The following GPHN variants were observed in gnomAD, a reference collection of about 807,000 sequenced individuals.
GPHN encodes the protein gephyrin.
GPHN carries 17 observed loss-of-function variants against 95.5 expected under a neutral mutation model. The ratio of observed to expected loss-of-function variants is 0.18; its 90% confidence interval spans 0.12 to 0.27. The LOEUF is 0.27. Among genes scored for constraint, GPHN ranks in the 10% least tolerant of loss-of-function variants. The pLI is 1.00. For synonymous variants in GPHN, 320 were observed against 322.5 expected (o/e 0.99, Z 0.08); for missense variants, 660 against 978.1 (o/e 0.67, Z 4.34).
the GPHN span, among the ~76,000 whole-genome samples, chr14:67,371,419 C>T: frequency 1.3e-5 from 2 of 148,600 alleles, no homozygotes; most frequent in African/African-American, 5.0e-5. Context: ...GACTGTCTCC[C>T]ACCAAAAAAA....
the GPHN span, chr14:67,205,116 T>G: frequency 5.9e-6 from 9 of 1,531,050 alleles, no homozygotes; most frequent in Non-Finnish European, 7.9e-6. Flanking sequence ...ACTTTCATGC[T>G]TTAATAATCG....
chr14:66,716,957 C>G (rs972326966), intron 2 of GPHN, among the ~76,000 whole-genome samples: 1 of 152,182 alleles, frequency 6.6e-6, no homozygotes, highest in African/African-American at 2.4e-5. Flanking sequence ...TTTCCTTCGT[C>G]TTAACTTTGG....
the GPHN span, among the ~76,000 whole-genome samples, chr14:67,461,609 C>T: frequency 6.6e-6 from 1 of 151,290 alleles, no homozygotes; most frequent in Non-Finnish European, 1.5e-5. Context: ...AAACGTAAGC[C>T]AGGATTGGGT....
At chr14:67,592,553 A>T in the GPHN span, 1 of 852,730 alleles carries the variant, frequency 1.2e-6, no homozygotes, top group Non-Finnish European at 2.0e-6. Context: ...GGTATCTTCC[A>T]ATACTCTGAC....
chr14:67,656,457 G>A, the GPHN span: 1 of 1,613,376 alleles, frequency 6.2e-7, no homozygotes, highest in African/African-American at 1.3e-5. Flanking sequence ...TGTTCCCCCA[G>A]CTCTTCTATG....
intron 2 of GPHN, among the ~76,000 whole-genome samples, chr14:66,721,132 TA>T (rs1441565470): frequency 1.3e-5 from 2 of 152,210 alleles, no homozygotes; most frequent in East Asian, 3.8e-4. Context: ...AGTCCAATGG[TA>T]TGATCTTAAA....
intron 1 of GPHN, among the ~76,000 whole-genome samples, chr14:66,510,409 G>A (rs182489162): frequency 5.3e-5 from 8 of 152,270 alleles, no homozygotes; most frequent in African/African-American, 1.9e-4. Flanking sequence ...TTCATTTAAC[G>A]AATCAACTTA....
chr14:66,859,798 A>C (rs1334190787), intron 4 of GPHN, among the ~76,000 whole-genome samples: 1 of 152,208 alleles, frequency 6.6e-6, no homozygotes, highest in Non-Finnish European at 1.5e-5. Context: ...TAAAAGAAAC[A>C]AACAGAAATT....
the GPHN span, among the ~76,000 whole-genome samples, chr14:67,257,882 A>G: frequency 6.6e-6 from 1 of 152,186 alleles, no homozygotes; most frequent in Non-Finnish European, 1.5e-5. Flanking sequence ...CGTACAACAC[A>G]TATGCAACAC....
At chr14:66,866,179 T>TA (rs1377135887) in intron 4 of GPHN, among the ~76,000 whole-genome samples, 1 of 152,186 alleles carries the variant, frequency 6.6e-6, no homozygotes, top group Non-Finnish European at 1.5e-5. Flanking sequence ...TTATTAACTA[T>TA]AGTCACCATA....
intron 1 of GPHN, among the ~76,000 whole-genome samples, chr14:66,592,512 A>G (rs2743568): frequency 2.0e-5 from 3 of 152,114 alleles, no homozygotes; most frequent in Admixed American, 2.0e-4. Flanking sequence ...GATATTTCCC[A>G]GAAGAAGACA....
chr14:67,579,736 G>A, the GPHN span: 13 of 1,612,606 alleles, frequency 8.1e-6, no homozygotes, highest in South Asian at 2.2e-5. Context: ...TGGTTTTGAC[G>A]GCTCTTCCAC....
chr14:66,858,662 GTCT>G lies in GPHN; in HGVS notation c.295-21275_295-21273del, dbSNP rs1372174028. Reference sequence around the variant, plus strand: ...GCAGAGAAAAAGTAAAGGGGATTTTGTCTTGCACCTTAGGGGAGTAGAGCACCA... The same window carrying G: ...GCAGAGAAAAAGTAAAGGGGATTTTGTGCACCTTAGGGGAGTAGAGCACCA... On this transcript the variant is annotated intron_variant, in intron 4 of 22. Transcript: ENST00000478722. Among the ~76,000 whole-genome samples, 3 of 151,972 alleles carry G rather than the reference GTCT, an allele frequency of 2.0e-5. No individual in the cohort carries two copies. The East Asian group carries it at 5.9e-4, about 30-fold the overall frequency.
chr14:67,729,397 C>T, the GPHN span: 7 of 1,595,534 alleles, frequency 4.4e-6, no homozygotes, highest in East Asian at 8.9e-5. Context: ...GAAGGCAATG[C>T]GGTTCTCTCC....
the GPHN span, among the ~76,000 whole-genome samples, chr14:67,313,856 T>C: frequency 1.3e-5 from 2 of 152,120 alleles, no homozygotes; most frequent in African/African-American, 4.8e-5. Flanking sequence ...CTGTATATGC[T>C]CAGTTTATAA....
At chr14:67,113,342 G>C (rs1277829054) in intron 16 of GPHN, among the ~76,000 whole-genome samples, 171 bp downstream of exon 16, 2 of 152,172 alleles carry the variant, frequency 1.3e-5, no homozygotes, top group Non-Finnish European at 2.9e-5. Flanking sequence ...TTCAAGTTCA[G>C]AATATGAGAA....
chr14:67,393,248 G>A, the GPHN span: 2 of 1,606,174 alleles, frequency 1.2e-6, no homozygotes, highest in Non-Finnish European at 1.7e-6. Context: ...GCGACTACAT[G>A]GAAGGGAAGG....
chr14:66,526,473 C>T (rs1311287801), intron 1 of GPHN, among the ~76,000 whole-genome samples: 1 of 152,138 alleles, frequency 6.6e-6, no homozygotes, highest in African/African-American at 2.4e-5. Flanking sequence ...CACTTTATTG[C>T]TTTCTCTTGC....
At chr14:67,132,616 C>A (rs2079791522) in intron 17 of GPHN, among the ~76,000 whole-genome samples, 1 of 152,024 alleles carries the variant, frequency 6.6e-6, no homozygotes, top group Non-Finnish European at 1.5e-5. Flanking sequence ...TTTCCGATCT[C>A]AGTGATAGAC....
Sources: allele counts gnomAD v4.1 joint callset (sites outside exome capture counted in the v4.1 genomes callset), GRCh38; gene constraint gnomAD v4.1.1; transcripts MANE v1.5; gene names NCBI Gene and HGNC (gene_info 2026-07-23, HGNC 2026-07-21).